ITSN2: variants seen among roughly 807,000 people sequenced by gnomAD.
ITSN2 encodes intersectin-2.
A neutral mutation model predicts 243.7 loss-of-function variants in ITSN2; 156 were observed. The ratio of observed to expected loss-of-function variants is 0.64; its 90% CI spans 0.56 to 0.73. The LOEUF is 0.73. Among genes scored for constraint, ITSN2 ranks in the 30% least tolerant of loss-of-function variants. The pLI is 0.00. For synonymous variants in ITSN2, 703 were observed against 699.9 expected, an observed-to-expected ratio of 1.00 and a Z score of -0.07; for missense variants, 1,801 against 1,996.1, an observed-to-expected ratio of 0.90 and a Z score of 1.86.
At chr2:24,318,293 G>C (rs1684158054) in intron 2 of ITSN2, among the ~76,000 whole-genome samples, 1 of 152,064 alleles carries the variant, frequency 6.6e-6, no homozygotes, top group African/African-American at 2.4e-5. Context: ...CTACAGGTAC[G>C]TGCGACTACA....
chr2:24,242,074 T>TA, intron 29 of ITSN2: 1 of 152,730 alleles, frequency 6.5e-6, no homozygotes, highest in South Asian at 2.1e-4. Flanking sequence ...CAAGTGGCTC[T>TA]AACATTCAAA....
chr2:24,229,728 G>A (rs1671391441), intron 29 of ITSN2, among the ~76,000 whole-genome samples: 1 of 152,128 alleles, frequency 6.6e-6, no homozygotes, highest in African/African-American at 2.4e-5. Context: ...TAAAGAAAAA[G>A]AACTTCCTAA....
intron 30 of ITSN2, among the ~76,000 whole-genome samples, chr2:24,220,098 G>C (rs1670303468): frequency 6.6e-6 from 1 of 152,232 alleles, no homozygotes; most frequent in Non-Finnish European, 1.5e-5. Context: ...CTGCGTTTAA[G>C]GTGGAGAGTG....
chr2:24,275,720 C>T lies in ITSN2; in HGVS notation c.2074G>A (p.Ala692Thr), dbSNP rs894692726. The T allele has an allele frequency of 1.2e-6, 2 of 1,607,380 alleles. No individual in the cohort carries two copies. Among genetic ancestry groups the T allele is most frequent in the Admixed American group, 1.7e-5 (1 of 59,614 alleles). Residue 692 changes from alanine to threonine, a missense_variant, in exon 18 of 40, where the codon GCT becomes ACT. Around this residue, in one of 5 missense-constraint regions of ITSN2, gnomAD observed 787 missense variants for 803.9 expected, o/e 0.98. Transcript: ENST00000355123. The stretch of plus-strand genomic sequence containing the variant: ...ATATATCAGCTATATTACCTTGCAG[C>T]CTCATCTTCTAGTTTCTTTTTCTGC... ...LMQKKKLEDE[A>T]ARKAKQGKEN...
chr2:24,220,726 G>C, intron 30 of ITSN2: 1 of 1,344,974 alleles, frequency 7.4e-7, no homozygotes, highest in Non-Finnish European at 9.5e-7. Context: ...CCTCATCTGG[G>C]GGAAAGAGCT....
chr2:24,310,188 A>G (rs1266633478), intron 7 of ITSN2, 96 bp downstream of exon 7: 5 of 775,876 alleles, frequency 6.4e-6, no homozygotes, highest in Non-Finnish European at 1.1e-5. Context: ...ATTATAAAGT[A>G]AAACTTAGGT....
At chr2:24,253,483 T>C (rs769825426) in intron 24 of ITSN2, among the ~76,000 whole-genome samples, 3 of 152,218 alleles carry the variant, frequency 2.0e-5, no homozygotes, top group Non-Finnish European at 2.9e-5. Context: ...CCTTGGCTCA[T>C]GCCATTCCCT....
intron 34 of ITSN2, 65 bp from the exon 35 acceptor site, chr2:24,210,098 C>A: frequency 8.3e-7 from 1 of 1,201,114 alleles, no homozygotes; most frequent in South Asian, 1.3e-5. Context: ...CCCTGAGAGG[C>A]CAGTGCCCTG....
intron 29 of ITSN2, among the ~76,000 whole-genome samples, chr2:24,228,808 G>A (rs1671293871): frequency 6.6e-6 from 1 of 152,128 alleles, no homozygotes; most frequent in African/African-American, 2.4e-5. Context: ...ACAAATAAAA[G>A]TATTAAATTG....
intron 1 of ITSN2, among the ~76,000 whole-genome samples, chr2:24,341,665 A>G (rs1394502021): frequency 6.6e-6 from 1 of 152,118 alleles, no homozygotes; most frequent in Non-Finnish European, 1.5e-5. Context: ...GATGACATGA[A>G]GTCAGGAGAC....
rs1219908680 is a variant in ITSN2 at position 24,204,500 on chromosome 2, A to C, written c.4763-82T>G. 6 of 1,275,974 alleles carry C rather than the reference A, an allele frequency of 4.7e-6. No homozygotes were observed. The highest frequency in any genetic ancestry group is 6.9e-6 in the Non-Finnish European group (6 of 873,582). 79.0% of individuals were successfully genotyped at this position (1,275,974 alleles called of 1,614,324 possible). ...GACAGTGCCCTCCCTGAGCAGAAGCAGGATTCCAATAATGGGTCACTCGAG... is the reference window on the plus strand; with the variant it reads ...GACAGTGCCCTCCCTGAGCAGAAGCCGGATTCCAATAATGGGTCACTCGAG... On this transcript the variant is annotated intron_variant, in intron 38 of 39. Transcript: ENST00000355123. This position sits in a 1 kb window ranked among gnomAD's most constrained non-coding sequence, Gnocchi z 5.1.
At chr2:24,342,030 A>T (rs1192872214) in intron 1 of ITSN2, among the ~76,000 whole-genome samples, 3 of 152,184 alleles carry the variant, frequency 2.0e-5, no homozygotes, top group Non-Finnish European at 4.4e-5. Flanking sequence ...CCAGAAAAAG[A>T]AGTAGTAGAC....
chr2:24,260,487 C>A (rs1675690210), intron 22 of ITSN2, among the ~76,000 whole-genome samples: 2 of 150,748 alleles, frequency 1.3e-5, no homozygotes, highest in South Asian at 4.2e-4. Flanking sequence ...ACCGTCAAGC[C>A]CAAGTCTCTC....
intron 20 of ITSN2, among the ~76,000 whole-genome samples, chr2:24,262,994 CT>C (rs1223987268): frequency 6.6e-6 from 1 of 152,088 alleles, no homozygotes; most frequent in Non-Finnish European, 1.5e-5. Flanking sequence ...CTACTTCAGG[CT>C]TTTTTTCATT....
chr2:24,338,273 T>C (rs1471742955), intron 1 of ITSN2, among the ~76,000 whole-genome samples: 1 of 152,234 alleles, frequency 6.6e-6, no homozygotes, highest in Admixed American at 6.5e-5. Flanking sequence ...CTCAAGCTAT[T>C]GTCAACCAGA....
intron 9 of ITSN2, among the ~76,000 whole-genome samples, chr2:24,302,402 GT>G (rs1320705510): frequency 2.6e-5 from 4 of 151,970 alleles, no homozygotes; most frequent in Admixed American, 1.3e-4. Context: ...GTTTCACCGT[GT>G]TAGCCAGGAT....
At chr2:24,317,261 G>A (rs968528879) in intron 2 of ITSN2, among the ~76,000 whole-genome samples, 5 of 152,086 alleles carry the variant, frequency 3.3e-5, no homozygotes, top group Non-Finnish European at 7.4e-5. Flanking sequence ...GTGGGTGCCT[G>A]TAGTCCCAGC....
chr2:24,354,115 C>T (rs886791977), intron 1 of ITSN2, among the ~76,000 whole-genome samples: 6 of 152,200 alleles, frequency 3.9e-5, no homozygotes, highest in Non-Finnish European at 7.3e-5. Flanking sequence ...CCAAGCCCTA[C>T]ACTACAAGTT....
At chr2:24,360,837 T>C, upstream of ITSN2, 1 of 152,640 alleles carries the variant, frequency 6.6e-6, no homozygotes, top group Non-Finnish European at 1.5e-5. Context: ...GTGCTTTTCC[T>C]GCCACGGCAG....
Sources: allele counts gnomAD v4.1 joint callset (sites outside exome capture counted in the v4.1 genomes callset), GRCh38; gene constraint gnomAD v4.1.1; regional missense constraint gnomAD v4.1.1; non-coding constraint Gnocchi (gnomAD v3.1); transcripts MANE v1.5; gene names NCBI Gene and HGNC (gene_info 2026-07-23, HGNC 2026-07-21).